Variants in KCNK2 observed in about 807,000 individuals in gnomAD.
KCNK2 encodes the protein potassium channel subfamily K member 2.
A neutral mutation model predicts 40.5 loss-of-function variants in KCNK2; 21 were observed. That is an observed-to-expected ratio of 0.52 (90% CI 0.37 to 0.75). KCNK2 has a LOEUF of 0.75. Ranked by LOEUF, KCNK2 falls within the 30% of genes least tolerant of loss-of-function variation. The probability of loss-of-function intolerance (pLI) is 0.00; values close to 1 mark genes in which losing one functional copy is unlikely to be tolerated. For missense variants in KCNK2, 399 were observed against 531.6 expected (o/e 0.75, Z 2.45); for synonymous variants, 191 against 202.2 (o/e 0.94, Z 0.47).
chr1:215,059,625 T>C (rs1658301611), intron 1 of KCNK2, among the ~76,000 whole-genome samples: 1 of 152,030 alleles, frequency 6.6e-6, no homozygotes, highest in Admixed American at 6.5e-5. Context: ...GAAAGAGAAA[T>C]GATTTTCTAA....
intron 1 of KCNK2, among the ~76,000 whole-genome samples, chr1:215,048,173 C>T (rs1657851294): frequency 6.6e-6 from 1 of 152,160 alleles, no homozygotes; most frequent in Admixed American, 6.5e-5. Context: ...TAGCTGCGTA[C>T]AATCCCTCAT....
intron 1 of KCNK2, among the ~76,000 whole-genome samples, chr1:215,055,954 C>T (rs555800181): frequency 6.6e-6 from 1 of 152,268 alleles, no homozygotes; most frequent in African/African-American, 2.4e-5. Flanking sequence ...CAAAGTTAGG[C>T]TTTAAAAATT....
intron 5 of KCNK2, among the ~76,000 whole-genome samples, chr1:215,193,058 C>A (rs999596368): frequency 6.6e-6 from 1 of 151,244 alleles, no homozygotes; most frequent in African/African-American, 2.4e-5. Flanking sequence ...TTAATATATA[C>A]CTGCAATTTA....
intron 3 of KCNK2, among the ~76,000 whole-genome samples, chr1:215,137,083 A>AAT (rs1661956406): frequency 6.6e-6 from 1 of 152,170 alleles, no homozygotes; most frequent in African/African-American, 2.4e-5. Flanking sequence ...TCATCAGTGA[A>AAT]ATTGTCTCAA....
chr1:215,022,106 C>CCTATCTATCTATCTATCTAT (rs11273303), intron 1 of KCNK2, among the ~76,000 whole-genome samples: 20,930 of 109,168 alleles, frequency 0.19, 1,599 homozygotes, highest in Admixed American at 0.26. Flanking sequence ...TAAATCCCCT[C>CCTATCTATCTATCTATCTAT]CTATCTATCT....
chr1:215,142,705 G>C (rs573882234), intron 3 of KCNK2, among the ~76,000 whole-genome samples: 1 of 152,208 alleles, frequency 6.6e-6, no homozygotes, highest in Admixed American at 6.6e-5. Flanking sequence ...TTGCCAATGA[G>C]TGCATTTCAG....
chr1:215,140,831 TAATA>T (rs1662140594), intron 3 of KCNK2, among the ~76,000 whole-genome samples: 1 of 152,160 alleles, frequency 6.6e-6, no homozygotes, highest in Non-Finnish European at 1.5e-5. Context: ...CTCTCTTCAA[TAATA>T]AATTAGCTTT....
intron 1 of KCNK2, among the ~76,000 whole-genome samples, chr1:215,021,021 T>A (rs1656768172): frequency 6.6e-6 from 1 of 152,166 alleles, no homozygotes; most frequent in Non-Finnish European, 1.5e-5. Context: ...ATAATTCAAA[T>A]TTTTTAAATC....
At chr1:215,092,205 T>C (rs141751652) in intron 2 of KCNK2, among the ~76,000 whole-genome samples, 48 of 152,182 alleles carry the variant, frequency 3.2e-4, no homozygotes, top group African/African-American at 1.1e-3. Flanking sequence ...GGAAAGCTAA[T>C]AGGGTTTGCT....
At position 215,159,797 on chromosome 1, in the gene KCNK2, C is replaced by G. The variant is rs190935891; in HGVS notation, c.476-9402C>G. Among the ~76,000 whole-genome samples the G allele has an allele frequency of 6.5e-3, 986 of 152,174 alleles. 5 individuals carry two copies. The highest frequency in any genetic ancestry group is 0.011 in the Non-Finnish European group (737 of 68,002). On this transcript the variant is annotated intron_variant, in intron 3 of 6. Coordinates refer to ENST00000444842, the MANE Select transcript of KCNK2 (RefSeq NM_001017425.3). ...GAAAAGTAACTTTTCAGTAGTGAAA[C>G]CTTACAGACCTACCTTAGCCAAGTT...
At chr1:215,007,145 GTA>G (rs10637132) in intron 1 of KCNK2, among the ~76,000 whole-genome samples, 49 of 116,546 alleles carry the variant, frequency 4.2e-4, no homozygotes, top group African/African-American at 1.4e-3. Flanking sequence ...ATATATATGT[GTA>G]TATATATATG....
At chr1:215,012,294 G>T (rs929819166) in intron 1 of KCNK2, among the ~76,000 whole-genome samples, 22 of 151,894 alleles carry the variant, frequency 1.4e-4, no homozygotes, top group African/African-American at 5.1e-4. Context: ...TAGTTACTTC[G>T]CATTTTTGCC....
chr1:215,117,337 A>C (rs933268566), intron 2 of KCNK2, among the ~76,000 whole-genome samples: 8 of 152,224 alleles, frequency 5.3e-5, no homozygotes, highest in African/African-American at 1.9e-4. Context: ...AGGATTCAAC[A>C]ATCACTCTGT....
At chr1:215,010,330 A>C (rs935728065) in intron 1 of KCNK2, among the ~76,000 whole-genome samples, 1 of 152,186 alleles carries the variant, frequency 6.6e-6, no homozygotes, top group African/African-American at 2.4e-5. Context: ...TTTCATTTAA[A>C]AGCTTAACAT....
At chr1:215,060,438 A>G (rs539653829) in intron 1 of KCNK2, among the ~76,000 whole-genome samples, 1 of 152,276 alleles carries the variant, frequency 6.6e-6, no homozygotes, top group African/African-American at 2.4e-5. Context: ...GGATCAAAAG[A>G]AGAAAAGAGT....
intron 2 of KCNK2, among the ~76,000 whole-genome samples, chr1:215,116,726 T>C (rs1466725810): frequency 2.6e-5 from 4 of 152,098 alleles, no homozygotes; most frequent in African/African-American, 9.6e-5. Context: ...TAGAAAATAA[T>C]ATCCCTTTTA....
upstream of KCNK2, among the ~76,000 whole-genome samples, chr1:215,081,610 AT>A (rs761035415): frequency 1.5e-3 from 226 of 151,998 alleles, no homozygotes; most frequent in South Asian, 4.2e-3. Flanking sequence ...TTACGTCTAT[AT>A]TTTTCACTAA....
intron 2 of KCNK2, among the ~76,000 whole-genome samples, chr1:215,105,592 T>G (rs1660400942): frequency 6.6e-6 from 1 of 152,110 alleles, no homozygotes; most frequent in Non-Finnish European, 1.5e-5. Flanking sequence ...ATTATTGATT[T>G]ATTTATTTCA....
intron 1 of KCNK2, among the ~76,000 whole-genome samples, chr1:215,086,054 G>T (rs1659418554): frequency 6.6e-6 from 1 of 152,136 alleles, no homozygotes; most frequent in African/African-American, 2.4e-5. Context: ...ACAGTGGACA[G>T]ATGTAAATTT....
Sources: allele counts gnomAD v4.1 joint callset (sites outside exome capture counted in the v4.1 genomes callset), GRCh38; gene constraint gnomAD v4.1.1; transcripts MANE v1.5; gene names NCBI Gene and HGNC (gene_info 2026-07-23, HGNC 2026-07-21).